PIP4K2A: variants seen among roughly 807,000 people sequenced by gnomAD.
The protein encoded by PIP4K2A is phosphatidylinositol-5-phosphate 4-kinase type 2 alpha, also known as phosphatidylinositol 5-phosphate 4-kinase type-2 alpha.
A neutral mutation model predicts 42.9 loss-of-function variants in PIP4K2A; 14 were observed. That is an observed-to-expected ratio of 0.33 (90% confidence interval 0.22 to 0.51). PIP4K2A has a LOEUF of 0.51. Ranked by LOEUF, PIP4K2A falls within the 20% of genes least tolerant of loss-of-function variation. The pLI, the probability that PIP4K2A is intolerant of heterozygous loss-of-function variation, is 0.97. For synonymous variants in PIP4K2A, 192 were observed against 192.2 expected (o/e 1.00, Z 0.01); for missense variants, 434 against 519.8 (o/e 0.83, Z 1.61).
chr10:22,663,813 T>C (rs921602963), intron 1 of PIP4K2A, among the ~76,000 whole-genome samples: 51 of 151,608 alleles, frequency 3.4e-4, no homozygotes, highest in Admixed American at 2.0e-4. Flanking sequence ...TAGGACTCAA[T>C]TGTGTAACTA....
intron 4 of PIP4K2A, among the ~76,000 whole-genome samples, chr10:22,589,023 ATAAC>A (rs2130818153): frequency 6.6e-6 from 1 of 152,344 alleles, no homozygotes; most frequent in African/African-American, 2.4e-5. Flanking sequence ...TTAGGTTACA[ATAAC>A]TAACCCAGAG....
chr10:22,595,046 T>G (rs375216161), intron 3 of PIP4K2A, among the ~76,000 whole-genome samples: 1 of 152,234 alleles, frequency 6.6e-6, no homozygotes, highest in Admixed American at 6.5e-5. Context: ...CATATCACTA[T>G]GAATATAAAA....
rs574999606 is a variant in PIP4K2A, at chr10:22,614,633, C to T, written c.145-4916G>A. Among the ~76,000 whole-genome samples, 3 of 152,208 alleles carry T rather than the reference C, an allele frequency of 2.0e-5. No homozygotes were observed. In the South Asian group the frequency reaches 6.2e-4, roughly 32 times the overall value. On this transcript the variant is annotated intron_variant, in intron 1 of 9. Coordinates refer to ENST00000376573, the MANE Select transcript of PIP4K2A (RefSeq NM_005028.5). ...GCTTTTAATTAGTAAACTATTTTTT[C>T]AATAGTGTACCCATGAGCCTCTATA...
chr10:22,556,464 GAAGT>G (rs780816021), intron 6 of PIP4K2A, among the ~76,000 whole-genome samples: 14 of 152,286 alleles, frequency 9.2e-5, no homozygotes, highest in South Asian at 4.1e-4. Context: ...TTAAATTCCT[GAAGT>G]AATAAAGAAT....
chr10:22,612,920 C>T (rs1176211016), intron 1 of PIP4K2A, among the ~76,000 whole-genome samples: 1 of 151,992 alleles, frequency 6.6e-6, no homozygotes, highest in African/African-American at 2.4e-5. Flanking sequence ...ACATTAGCTC[C>T]CCAGAGGAGT....
intron 1 of PIP4K2A, among the ~76,000 whole-genome samples, chr10:22,620,913 T>G (rs943194): frequency 0.45 from 68,187 of 152,166 alleles, 17,111 homozygotes; most frequent in African/African-American, 0.68. Context: ...GTTTCATTTA[T>G]GTGGATGTGG....
intron 6 of PIP4K2A, among the ~76,000 whole-genome samples, chr10:22,560,485 T>G (rs1297103460): frequency 6.6e-6 from 1 of 152,234 alleles, no homozygotes; most frequent in Non-Finnish European, 1.5e-5. Context: ...GTATTAATGA[T>G]TAATCCTCTC....
chr10:22,671,987 A>T (rs942424698), intron 1 of PIP4K2A, among the ~76,000 whole-genome samples: 4 of 152,174 alleles, frequency 2.6e-5, no homozygotes, highest in Middle Eastern at 3.2e-3. Context: ...TTTCAGTCTA[A>T]GTCAAAGCTA....
rs71394001 is a variant in PIP4K2A at position 22,561,565 on chromosome 10, GTTTTTTTTTTTTTTT to G, written c.678+6271_678+6285del. 4.4e-5 allele frequency among the ~76,000 whole-genome samples: 5 copies of G among 113,500 alleles called. No homozygotes were observed. The Admixed American group carries it at 5.0e-4, about 11-fold the overall frequency. The allele number at this position is 113,500 out of a possible 152,430, so 74.5% of individuals were successfully genotyped here. The stretch of plus-strand genomic sequence containing the variant: ...TATGTCACCAGAGATTCTCTACGCA[GTTTTTTTTTTTTTTT>G]TTTTTTTTTTTCTGAGACAGGGTCT... On this transcript the variant is annotated intron_variant, in intron 6 of 9. Coordinates refer to ENST00000376573, the MANE Select transcript of PIP4K2A (RefSeq NM_005028.5).
intron 1 of PIP4K2A, among the ~76,000 whole-genome samples, chr10:22,627,630 A>AAAAAAAAAG (rs1346625282): frequency 1.7e-5 from 2 of 118,180 alleles, no homozygotes; most frequent in Non-Finnish European, 3.6e-5. Flanking sequence ...AAAAAAAAAA[A>AAAAAAAAAG]AGATAAGGAA....
At chr10:22,713,327 C>T (rs1027074671) in intron 1 of PIP4K2A, among the ~76,000 whole-genome samples, 2 of 152,222 alleles carry the variant, frequency 1.3e-5, no homozygotes, top group Admixed American at 6.5e-5. Flanking sequence ...CCACACCCCC[C>T]ACAGCGGGTG....
At chr10:22,564,905 C>T (rs1564422860) in intron 6 of PIP4K2A, among the ~76,000 whole-genome samples, 2 of 152,290 alleles carry the variant, frequency 1.3e-5, no homozygotes, top group South Asian at 2.1e-4. Flanking sequence ...CCTGGCCTCA[C>T]GAAAGCATCT....
intron 3 of PIP4K2A, among the ~76,000 whole-genome samples, chr10:22,594,485 T>C (rs1334413028): frequency 6.6e-6 from 1 of 152,254 alleles, no homozygotes; most frequent in East Asian, 1.9e-4. Flanking sequence ...AGCCTTGATC[T>C]CCTGGACTCA....
intron 6 of PIP4K2A, among the ~76,000 whole-genome samples, chr10:22,557,814 A>G (rs1331163224): frequency 6.6e-6 from 1 of 152,204 alleles, no homozygotes; most frequent in Non-Finnish European, 1.5e-5. Flanking sequence ...AATAGAAAAT[A>G]CATGAACCTA....
intron 1 of PIP4K2A, among the ~76,000 whole-genome samples, chr10:22,639,359 TAA>T (rs35329002): frequency 1.6e-4 from 22 of 135,692 alleles, no homozygotes; most frequent in Admixed American, 2.3e-4. Flanking sequence ...CAAAAGAAGC[TAA>T]AAAAAAAAAA....
Position 22,564,972 on chromosome 10 carries a change from A to C in PIP4K2A, c.678+2879T>G, listed in dbSNP as rs1836807028. The stretch of plus-strand genomic sequence containing the variant: ...GGAAAATTACTAGAGTGAAAGTTTC[A>C]TGAGGATGGGGACTGTATCAGCCTA... On this transcript the variant is annotated intron_variant, in intron 6 of 9. Transcript: ENST00000376573. 7.2e-5 allele frequency among the ~76,000 whole-genome samples: 11 copies of C among 152,338 alleles called. No homozygotes were observed. In the South Asian group the frequency reaches 2.3e-3, roughly 32 times the overall value.
intron 9 of PIP4K2A, among the ~76,000 whole-genome samples, chr10:22,537,889 C>T (rs918548930): frequency 4.6e-5 from 7 of 152,180 alleles, no homozygotes; most frequent in South Asian, 2.1e-4. Context: ...ATCTTGCCCA[C>T]GGGGGAAGGA....
At chr10:22,598,678 G>T (rs556377170) in intron 3 of PIP4K2A, among the ~76,000 whole-genome samples, 1 of 152,076 alleles carries the variant, frequency 6.6e-6, no homozygotes. Flanking sequence ...AGGGCTTTGC[G>T]TCCTCCCTCC....
intron 1 of PIP4K2A, among the ~76,000 whole-genome samples, chr10:22,664,153 A>G (rs1203758185): frequency 5.9e-4 from 12 of 20,300 alleles, no homozygotes; most frequent in African/African-American, 3.1e-3. Flanking sequence ...ATATATATAC[A>G]CATATATATA....
Sources: gnomAD v4.1 joint callset for allele counts (sites outside exome capture counted in the v4.1 genomes callset) on GRCh38, gnomAD v4.1.1 for gene constraint, MANE v1.5 for transcripts, NCBI Gene and HGNC (gene_info 2026-07-23, HGNC 2026-07-21) for gene names.